The following DNAJC11 variants were observed in gnomAD, a reference collection of about 807,000 sequenced individuals.
The protein encoded by DNAJC11 is DnaJ heat shock protein family (Hsp40) member C11.
A neutral mutation model predicts 78.6 loss-of-function variants in DNAJC11; 15 were observed. The ratio of observed to expected loss-of-function variants is 0.19; its 90% CI spans 0.13 to 0.29. The LOEUF is 0.29. Among genes scored for constraint, DNAJC11 ranks in the 10% least tolerant of loss-of-function variants. The pLI is 1.00. For missense variants in DNAJC11, 547 were observed against 709.6 expected, an observed-to-expected ratio of 0.77 and a Z score of 2.60; for synonymous variants, 292 against 272.1, an observed-to-expected ratio of 1.07 and a Z score of -0.72.
rs993436474 is a variant in DNAJC11, at chr1:6,643,395, C to T, written c.1097+1163G>A. Among the ~76,000 whole-genome samples, 8 of 151,856 alleles carry T rather than the reference C, an allele frequency of 5.3e-5. No individual in the cohort carries two copies. In the South Asian group the frequency reaches 6.2e-4, roughly 12 times the overall value. On this transcript the variant is annotated intron_variant, in intron 10 of 15. Transcript: ENST00000377577. ...GGTTCACACCATTCTCCTGCCTCAG[C>T]CTCCCAAGTAGCAGAGACTACAGGC...
chr1:6,638,655 G>A (rs974730690), intron 11 of DNAJC11, among the ~76,000 whole-genome samples: 4 of 152,156 alleles, frequency 2.6e-5, no homozygotes, highest in African/African-American at 7.2e-5. Context: ...GAGAATTTCA[G>A]GAGATCCCAC....
rs1464339181 is a variant in DNAJC11, at chr1:6,644,785, G to A, written c.981-111C>T. On this transcript the variant is annotated intron_variant, in intron 9 of 15. Transcript: ENST00000377577. ...TCCCTTCCCTCCCTCCAGCCTCCTC[G>A]ACCCCCAGGGAGCAGATTCATGACA... is the stretch of plus-strand genomic sequence containing the variant. 11 of 935,080 alleles carry A rather than the reference G, an allele frequency of 1.2e-5. No homozygotes were observed. The East Asian group carries it at 1.5e-4, about 12-fold the overall frequency. The allele number at this position is 935,080 out of a possible 1,614,324, so 57.9% of individuals were successfully genotyped here.
At chr1:6,652,032 C>T (rs1187883313) in intron 6 of DNAJC11, among the ~76,000 whole-genome samples, 1 of 152,150 alleles carries the variant, frequency 6.6e-6, no homozygotes, top group Non-Finnish European at 1.5e-5. Flanking sequence ...CAAATGTCTC[C>T]CAGGTCACTG....
intron 1 of DNAJC11, among the ~76,000 whole-genome samples, chr1:6,700,969 G>C (rs11807377): frequency 0.019 from 2,887 of 152,194 alleles, 88 homozygotes; most frequent in African/African-American, 0.066. Context: ...GAGTGTAGTG[G>C]GGCCCTACTA....
chr1:6,674,934 T>C (rs764948743), intron 3 of DNAJC11, among the ~76,000 whole-genome samples: 3 of 152,090 alleles, frequency 2.0e-5, no homozygotes, highest in Non-Finnish European at 4.4e-5. Flanking sequence ...GCCTAATAAA[T>C]ATGTGGTAAA....
intron 3 of DNAJC11, among the ~76,000 whole-genome samples, chr1:6,672,722 G>C (rs1213832999): frequency 1.3e-5 from 2 of 152,176 alleles, no homozygotes; most frequent in Non-Finnish European, 2.9e-5. Flanking sequence ...GCCAGAGAGG[G>C]GAACAGGACT....
chr1:6,652,693 G>A (rs1642073493), intron 6 of DNAJC11, 136 bp downstream of exon 6: 11 of 1,201,894 alleles, frequency 9.2e-6, no homozygotes, highest in Non-Finnish European at 1.3e-5. Context: ...TCAACTTATG[G>A]AAGCTTGACA....
rs1001906718 is a variant in DNAJC11, at chr1:6,634,369, T to C, written c.*1306A>G. 3 of 1,132,658 alleles carry C rather than the reference T, an allele frequency of 2.6e-6. No homozygotes were observed. Among genetic ancestry groups the C allele is most frequent in the Non-Finnish European group, 3.5e-6 (3 of 856,108 alleles). The allele number at this position is 1,132,658 out of a possible 1,614,324, so 70.2% of individuals were successfully genotyped here. On this transcript the variant is annotated 3_prime_UTR_variant, in exon 16 of 16. Transcript: ENST00000377577. ...CTTTTTAAAAAATGGAGATGAATGT[T>C]ACAGAATTGGACAACCCGAACTGCT...
intron 4 of DNAJC11, among the ~76,000 whole-genome samples, chr1:6,665,812 C>CA (rs1273503415): frequency 1.3e-5 from 2 of 152,146 alleles, no homozygotes; most frequent in East Asian, 3.9e-4. Context: ...GCCAGAACAT[C>CA]AAAAACACCA....
chr1:6,635,629 A>G lies in DNAJC11; in HGVS notation c.*46T>C, dbSNP rs552719492. 1.2e-6 allele frequency: 2 copies of G among 1,609,336 alleles called. No individual in the cohort carries two copies. The highest frequency in any genetic ancestry group is 2.7e-5 in the African/African-American group (2 of 74,840). ...TTCATTTCCAAATTTGTAGACTCCCAGGAAAAGATTTTTTGCGGCCTTTTA... is the reference window on the plus strand; with the variant it reads ...TTCATTTCCAAATTTGTAGACTCCCGGGAAAAGATTTTTTGCGGCCTTTTA... On this transcript the variant is annotated 3_prime_UTR_variant, in exon 16 of 16. Transcript: ENST00000377577.
chr1:6,655,661 T>C (rs554426330), intron 4 of DNAJC11, among the ~76,000 whole-genome samples: 6 of 152,048 alleles, frequency 3.9e-5, no homozygotes, highest in Non-Finnish European at 8.8e-5. Context: ...CTGTTGCTAC[T>C]AAAAATACAA....
chr1:6,686,800 A>G (rs959339585), intron 1 of DNAJC11, among the ~76,000 whole-genome samples: 7 of 152,234 alleles, frequency 4.6e-5, no homozygotes, highest in African/African-American at 1.7e-4. Flanking sequence ...CAACTTAATA[A>G]CACCTCATAT....
In DNAJC11 at chr1:6,637,192, C is replaced by G. The variant is rs1194916552; in HGVS notation, c.1524+6G>C. ...ACATAGCATGTGGTGGCTGGTGCTG[C>G]TGTACCTTGGAGGCCTCCGTGAGGA... On this transcript the variant is annotated splice_donor_region_variant and intron_variant, in intron 14 of 15. Transcript: ENST00000377577. 2 of 1,613,966 alleles carry G rather than the reference C, an allele frequency of 1.2e-6. No homozygotes were observed. Among genetic ancestry groups the G allele is most frequent in the Non-Finnish European group, 1.7e-6 (2 of 1,180,012 alleles).
chr1:6,652,739 G>A, intron 6 of DNAJC11, 90 bp downstream of exon 6: 1 of 1,563,542 alleles, frequency 6.4e-7, no homozygotes, highest in Non-Finnish European at 8.7e-7. Context: ...GGGGCCCCCA[G>A]GGTGAGTTTG....
intron 1 of DNAJC11, among the ~76,000 whole-genome samples, chr1:6,682,779 T>C (rs1642574272): frequency 6.6e-6 from 1 of 151,970 alleles, no homozygotes; most frequent in Non-Finnish European, 1.5e-5. Flanking sequence ...AATACAAAAA[T>C]TACCTGGGCG....
At chr1:6,669,551 A>AAAAGG (rs1453239504) in intron 3 of DNAJC11, among the ~76,000 whole-genome samples, 43 of 151,804 alleles carry the variant, frequency 2.8e-4, no homozygotes, top group Non-Finnish European at 1.0e-4. Context: ...AAAAGAAAAG[A>AAAAGG]AAAGAAAAGA....
chr1:6,674,016 G>C (rs1220358793), intron 3 of DNAJC11, among the ~76,000 whole-genome samples: 4 of 152,228 alleles, frequency 2.6e-5, no homozygotes, highest in African/African-American at 7.2e-5. Context: ...TGCAGGAGAT[G>C]AGTTACGTGG....
chr1:6,701,328 G>A (rs528098216), intron 1 of DNAJC11, among the ~76,000 whole-genome samples: 23 of 152,306 alleles, frequency 1.5e-4, no homozygotes, highest in Admixed American at 9.8e-4. Flanking sequence ...TCGCCATCCT[G>A]CTGGCGGCGG....
chr1:6,677,233 C>T (rs993892833), intron 3 of DNAJC11, among the ~76,000 whole-genome samples: 1 of 148,794 alleles, frequency 6.7e-6, no homozygotes, highest in African/African-American at 2.5e-5. Context: ...TATAACTCAA[C>T]GAGGGTCAAT....
Sources: gnomAD v4.1 joint callset for allele counts (sites outside exome capture counted in the v4.1 genomes callset) on GRCh38, gnomAD v4.1.1 for gene constraint, MANE v1.5 for transcripts, NCBI Gene and HGNC (gene_info 2026-07-23, HGNC 2026-07-21) for gene names.